The following COL26A1 variants were observed in gnomAD, a reference collection of about 807,000 sequenced individuals.
COL26A1 encodes the protein collagen alpha-1(XXVI) chain.
COL26A1 carries 41 observed loss-of-function variants against 59.3 expected under a neutral mutation model. That is an observed-to-expected ratio of 0.69 (90% CI 0.54 to 0.90). The LOEUF is 0.90. Ranked by LOEUF, COL26A1 falls within the 40% of genes least tolerant of loss-of-function variation. COL26A1 has a pLI of 0.00. For synonymous variants in COL26A1, 266 were observed against 256.0 expected, an observed-to-expected ratio of 1.04 and a Z score of -0.37; for missense variants, 612 against 602.3, an observed-to-expected ratio of 1.02 and a Z score of -0.17.
chr7:101,454,379 C>G (rs771850665), intron 3 of COL26A1, among the ~76,000 whole-genome samples: 1 of 151,570 alleles, frequency 6.6e-6, no homozygotes, highest in Non-Finnish European at 1.5e-5. Context: ...CTGCCTCAGC[C>G]TTCCAAGTAG....
chr7:101,386,737 T>G (rs1791585976), intron 1 of COL26A1, among the ~76,000 whole-genome samples: 1 of 152,016 alleles, frequency 6.6e-6, no homozygotes, highest in African/African-American at 2.4e-5. Flanking sequence ...AAGGCTGGAG[T>G]TGGATTCTGA....
chr7:101,487,342 A>G (rs1267598604), intron 3 of COL26A1, among the ~76,000 whole-genome samples: 2 of 152,096 alleles, frequency 1.3e-5, no homozygotes, highest in Middle Eastern at 3.2e-3. Flanking sequence ...CTGGAGAGTC[A>G]CTGTCTCTTG....
At chr7:101,489,834 CTT>C (rs1219170632) in intron 3 of COL26A1, among the ~76,000 whole-genome samples, 4 of 13,922 alleles carry the variant, frequency 2.9e-4, no homozygotes, top group East Asian at 1.7e-3. Context: ...TTCTTTCTTT[CTT>C]TCTTTCTTTC....
At position 101,501,707 on chromosome 7, in the gene COL26A1, G is replaced by T. The variant is rs547504631; in HGVS notation, c.386-31375G>T. Among the ~76,000 whole-genome samples the T allele has an allele frequency of 2.0e-5, 3 of 152,336 alleles. No individual in the cohort carries two copies. In the East Asian group the frequency reaches 5.8e-4, roughly 29 times the overall value. ...CCCATGGTGCCCAGCACAGGGCTTT[G>T]TCCAAAGGGGTGCTCAGACTCTTGG... On this transcript the variant is annotated intron_variant, in intron 3 of 12. Coordinates refer to ENST00000313669, the MANE Select transcript of COL26A1 (RefSeq NM_001278563.3).
At chr7:101,365,701 G>A (rs902197758) in intron 1 of COL26A1, among the ~76,000 whole-genome samples, 1 of 152,118 alleles carries the variant, frequency 6.6e-6, no homozygotes, top group African/African-American at 2.4e-5. Context: ...TGGGATCACA[G>A]GCATGAGCCA....
At chr7:101,525,739 G>A (rs568257783) in intron 3 of COL26A1, among the ~76,000 whole-genome samples, 38 of 152,102 alleles carry the variant, frequency 2.5e-4, no homozygotes, top group Middle Eastern at 3.4e-3. Flanking sequence ...CTCGTGATCC[G>A]CCCACCTTGG....
At chr7:101,498,245 C>A (rs912509251) in intron 3 of COL26A1, among the ~76,000 whole-genome samples, 1 of 152,156 alleles carries the variant, frequency 6.6e-6, no homozygotes, top group African/African-American at 2.4e-5. Context: ...ATGAGTGACT[C>A]CATTTTGGTT....
chr7:101,528,959 A>G (rs1411049995), intron 3 of COL26A1, among the ~76,000 whole-genome samples: 1 of 152,084 alleles, frequency 6.6e-6, no homozygotes, highest in Non-Finnish European at 1.5e-5. Flanking sequence ...TGAGGTCAGG[A>G]GTTCGAGACC....
chr7:101,490,453 G>C (rs1348383578), intron 3 of COL26A1, among the ~76,000 whole-genome samples: 1 of 151,228 alleles, frequency 6.6e-6, no homozygotes, highest in Non-Finnish European at 1.5e-5. Flanking sequence ...TGTAATCCCA[G>C]CACTTTGGGA....
chr7:101,509,365 G>C (rs185626876), intron 3 of COL26A1, among the ~76,000 whole-genome samples: 112 of 152,246 alleles, frequency 7.4e-4, no homozygotes, highest in Admixed American at 1.7e-3. Context: ...AGAATAGCTT[G>C]AACCTGGGAG....
chr7:101,544,509 G>A (rs1439544240), intron 6 of COL26A1, among the ~76,000 whole-genome samples: 3 of 147,828 alleles, frequency 2.0e-5, no homozygotes, highest in African/African-American at 7.5e-5. Context: ...TTACAGGCGT[G>A]AGCCACCACC....
At chr7:101,556,813 AATGG>A (rs567084394) in intron 12 of COL26A1, among the ~76,000 whole-genome samples, 2 of 151,720 alleles carry the variant, frequency 1.3e-5, no homozygotes, top group African/African-American at 4.8e-5. Flanking sequence ...TAAGTGAGTG[AATGG>A]ATGGATGGAT....
intron 3 of COL26A1, among the ~76,000 whole-genome samples, chr7:101,467,683 C>T (rs1201081786): frequency 6.6e-6 from 1 of 151,790 alleles, no homozygotes; most frequent in Non-Finnish European, 1.5e-5. Context: ...CTGGCTAACA[C>T]GGTGAAACCC....
intron 1 of COL26A1, among the ~76,000 whole-genome samples, chr7:101,389,377 ATTT>A (rs71106518): frequency 2.5e-4 from 22 of 89,334 alleles, no homozygotes; most frequent in African/African-American, 4.4e-4. Flanking sequence ...TGATTTGCAC[ATTT>A]TTTTTTTTTT....
chr7:101,417,532 G>A (rs143672871), intron 1 of COL26A1, among the ~76,000 whole-genome samples: 2,365 of 144,532 alleles, frequency 0.016, 32 homozygotes, highest in South Asian at 0.036. Context: ...ACAGGGTCTC[G>A]CTCTGTCACC....
At chr7:101,492,728 AAATAAATAAATAAATAAAT>A (rs1794490035) in intron 3 of COL26A1, among the ~76,000 whole-genome samples, 1 of 146,366 alleles carries the variant, frequency 6.8e-6, no homozygotes, top group African/African-American at 2.6e-5. Flanking sequence ...ATAAATAAAT[AAATAAATAAATAAATAAAT>A]AATAAAAATA....
At chr7:101,557,042 T>C (rs906019052) in intron 12 of COL26A1, among the ~76,000 whole-genome samples, 14 of 71,728 alleles carry the variant, frequency 2.0e-4, no homozygotes, top group Admixed American at 1.3e-3. Context: ...GATGGATGGA[T>C]GGACGGGCAG....
At chr7:101,508,186 T>A (rs140084680) in intron 3 of COL26A1, among the ~76,000 whole-genome samples, 1 of 152,228 alleles carries the variant, frequency 6.6e-6, no homozygotes, top group Non-Finnish European at 1.5e-5. Context: ...GAATGTGGAC[T>A]TTGGAGACAG....
chr7:101,457,005 G>A (rs540654292), intron 3 of COL26A1, among the ~76,000 whole-genome samples: 3 of 152,286 alleles, frequency 2.0e-5, no homozygotes, highest in South Asian at 4.2e-4. Flanking sequence ...TGCCGGCCAC[G>A]TGGGAGAACT....
Sources: gnomAD v4.1 joint callset for allele counts (sites outside exome capture counted in the v4.1 genomes callset) on GRCh38, gnomAD v4.1.1 for gene constraint, MANE v1.5 for transcripts, NCBI Gene and HGNC (gene_info 2026-07-23, HGNC 2026-07-21) for gene names.